Variants in DTHD1 observed in about 807,000 individuals in gnomAD.
DTHD1 encodes death domain containing 1.
Under a neutral mutation model 74.8 loss-of-function variants are expected in DTHD1, and 59 were observed. The observed-to-expected ratio is 0.79, with a 90% CI of 0.64 to 0.98. The LOEUF is 0.98. Ranked by LOEUF, DTHD1 falls within the 50% of genes least tolerant of loss-of-function variation. DTHD1 has a pLI of 0.00. For missense variants in DTHD1, 1,051 were observed against 1,065.4 expected, an observed-to-expected ratio of 0.99 and a Z score of 0.19; for synonymous variants, 365 against 371.1, an observed-to-expected ratio of 0.98 and a Z score of 0.19.
chr4:36,296,587 A>G (rs1444605900), intron 5 of DTHD1, among the ~76,000 whole-genome samples: 1 of 152,200 alleles, frequency 6.6e-6, no homozygotes, highest in Non-Finnish European at 1.5e-5. Flanking sequence ...GACAATAAAT[A>G]TAAATGAGTT....
chr4:36,319,873 C>A (rs1255761180), intron 8 of DTHD1, among the ~76,000 whole-genome samples: 1 of 152,186 alleles, frequency 6.6e-6, no homozygotes, highest in East Asian at 1.9e-4. Flanking sequence ...TGTAACACAC[C>A]ATTCCTTACC....
intron 5 of DTHD1, among the ~76,000 whole-genome samples, chr4:36,295,411 G>A (rs904532940): frequency 6.6e-6 from 1 of 152,038 alleles, no homozygotes; most frequent in Non-Finnish European, 1.5e-5. Context: ...GCTGACAATT[G>A]AATCAGATAT....
chr4:36,331,011 T>C (rs185768406), intron 8 of DTHD1, among the ~76,000 whole-genome samples: 14 of 152,180 alleles, frequency 9.2e-5, no homozygotes, highest in African/African-American at 3.4e-4. Flanking sequence ...TCATACATCA[T>C]AAAATTCAGC....
chr4:36,282,163 G>A (rs1755439416), intron 1 of DTHD1, 134 bp downstream of exon 1: 1 of 718,450 alleles, frequency 1.4e-6, no homozygotes, highest in Non-Finnish European at 2.0e-6. Flanking sequence ...TTTCAAAGGG[G>A]AAATAAGTTG....
In DTHD1 at chr4:36,313,863, G is replaced by A. The variant is rs1323252741; in HGVS notation, c.2096-2379G>A. ...TTGGTATTCCACAGGGACCAAAGTA[G>A]TAAAAGTTTTCTTGACAGCACTCTA... On this transcript the variant is annotated intron_variant, in intron 7 of 9. Coordinates refer to ENST00000639862, the MANE Select transcript of DTHD1 (RefSeq NM_001170700.3). Among the ~76,000 whole-genome samples, 3 of 152,264 alleles carry A rather than the reference G, an allele frequency of 2.0e-5. No homozygotes were observed. The East Asian group carries it at 5.8e-4, about 29-fold the overall frequency.
intron 8 of DTHD1, among the ~76,000 whole-genome samples, chr4:36,322,648 G>A (rs934739360): frequency 1.1e-4 from 17 of 152,044 alleles, no homozygotes; most frequent in African/African-American, 4.1e-4. Flanking sequence ...AGATGATGAG[G>A]TTTGTAAGAT....
At chr4:36,300,791 C>T (rs981393137) in intron 5 of DTHD1, among the ~76,000 whole-genome samples, 8 of 152,046 alleles carry the variant, frequency 5.3e-5, no homozygotes, top group Non-Finnish European at 7.4e-5. Flanking sequence ...GTATTGTCAA[C>T]GCAGGCAAAT....
intron 8 of DTHD1, among the ~76,000 whole-genome samples, chr4:36,322,491 A>G (rs1425319962): frequency 6.6e-6 from 1 of 152,124 alleles, no homozygotes; most frequent in Admixed American, 6.5e-5. Flanking sequence ...CTGAGGAGCA[A>G]CCGGAGACCA....
intron 8 of DTHD1, among the ~76,000 whole-genome samples, chr4:36,317,562 T>C (rs1214564734): frequency 6.6e-6 from 1 of 152,198 alleles, no homozygotes; most frequent in Non-Finnish European, 1.5e-5. Context: ...AAAAATTAAC[T>C]TCCTCTTTTA....
In DTHD1 at chr4:36,346,398, C is replaced by T. The variant is rs1271448433; in HGVS notation, c.*2574C>T. On this transcript the variant is annotated 3_prime_UTR_variant, in exon 10 of 10. Coordinates refer to ENST00000639862, the MANE Select transcript of DTHD1 (RefSeq NM_001170700.3). ...CACTCACAGCCACATATACACACCT[C>T]TTCACAACACAGATACATTTTTCCC... Among the ~76,000 whole-genome samples, 1 of 152,032 alleles carries T rather than the reference C, an allele frequency of 6.6e-6. No individual in the cohort carries two copies. Among genetic ancestry groups the T allele is most frequent in the Non-Finnish European group, 1.5e-5 (1 of 67,992 alleles).
At chr4:36,289,579 T>C (rs1024468289) in intron 2 of DTHD1, among the ~76,000 whole-genome samples, 1 of 152,138 alleles carries the variant, frequency 6.6e-6, no homozygotes, top group Non-Finnish European at 1.5e-5. Context: ...ACCTACCTAA[T>C]ACAATAGTTG....
chr4:36,342,233 G>A (rs565508908), intron 9 of DTHD1, among the ~76,000 whole-genome samples: 27 of 152,324 alleles, frequency 1.8e-4, no homozygotes, highest in African/African-American at 6.3e-4. Flanking sequence ...AGAACTCTGG[G>A]TTGAAAGTGA....
At chr4:36,328,286 G>A (rs965270927) in intron 8 of DTHD1, among the ~76,000 whole-genome samples, 4 of 152,152 alleles carry the variant, frequency 2.6e-5, no homozygotes, top group Non-Finnish European at 5.9e-5. Context: ...CTGTGGATTT[G>A]TGCTGATTTC....
At chr4:36,326,484 G>A (rs758320989) in intron 8 of DTHD1, among the ~76,000 whole-genome samples, 43 of 150,820 alleles carry the variant, frequency 2.9e-4, no homozygotes, top group Middle Eastern at 7.1e-3. Context: ...TTTTCCCCAA[G>A]GGGAAATGGC....
rs1217728031 is a variant in DTHD1, at chr4:36,343,601, T to C, written c.2498T>C (p.Ile833Thr). The change falls in exon 10 of 10, where the codon ATT becomes ACT. Residue 833 changes from isoleucine (I) to threonine (T), a missense_variant. By Grantham distance (89) the Ile-to-Thr change is moderately conservative. Transcript: ENST00000639862. ...ACTCTCCCTCTGCGCCGTAGCACCATTCAGCTCATCAAACTCAAGAACCCT... is the reference window on the plus strand; with the variant it reads ...ACTCTCCCTCTGCGCCGTAGCACCACTCAGCTCATCAAACTCAAGAACCCT... ...SSTLPLRRST[I>T]QLIKLKNPDD... The C allele has an allele frequency of 6.4e-7, 1 of 1,551,674 alleles. No individual in the cohort carries two copies. Among genetic ancestry groups the C allele is most frequent in the South Asian group, 1.2e-5 (1 of 84,058 alleles).
At chr4:36,298,463 A>AT (rs556204354) in intron 5 of DTHD1, among the ~76,000 whole-genome samples, 2 of 152,064 alleles carry the variant, frequency 1.3e-5, no homozygotes, top group Non-Finnish European at 2.9e-5. Context: ...TAGTAGGTGC[A>AT]TTTTTTTCCA....
intron 5 of DTHD1, among the ~76,000 whole-genome samples, chr4:36,304,693 T>C (rs1311941133): frequency 6.6e-6 from 1 of 152,232 alleles, no homozygotes; most frequent in African/African-American, 2.4e-5. Flanking sequence ...TAGGGACTTT[T>C]CTTCCTTTAG....
chr4:36,283,759 C>T lies in DTHD1; in HGVS notation c.272-217C>T, dbSNP rs75507473. 1,382 of 549,032 alleles carry T rather than the reference C, an allele frequency of 2.5e-3. 17 individuals are homozygous for T. Among genetic ancestry groups the T allele is most frequent in the African/African-American group, 0.024 (1,237 of 52,410 alleles). 34.0% of individuals were successfully genotyped at this position (549,032 alleles called of 1,614,324 possible). On this transcript the variant is annotated intron_variant, in intron 1 of 9. Transcript: ENST00000639862. ...CAAGAGGGATTAGATTTACTCTTTG[C>T]TACCATGTTAAAAATGGTTTGTTGT...
At position 36,298,128 on chromosome 4, in the gene DTHD1, T is replaced by C. The variant is rs142554771; in HGVS notation, c.1643+3089T>C. 9.5e-3 allele frequency among the ~76,000 whole-genome samples: 1,445 copies of C among 152,280 alleles called. 16 individuals carry two copies. Among genetic ancestry groups the C allele is most frequent in the South Asian group, 0.019 (91 of 4,828 alleles). ...AACTGATATACTCTTGCCCATTCTA[T>C]AAGTTCCAGTTCAACTCTTTCTTTT... is the stretch of plus-strand genomic sequence containing the variant. On this transcript the variant is annotated intron_variant, in intron 5 of 9. Transcript: ENST00000639862.
Sources: gnomAD v4.1 joint callset for allele counts (sites outside exome capture counted in the v4.1 genomes callset) on GRCh38, gnomAD v4.1.1 for gene constraint, MANE v1.5 for transcripts, NCBI Gene and HGNC (gene_info 2026-07-23, HGNC 2026-07-21) for gene names.